MINK1: variants seen among roughly 807,000 people sequenced by gnomAD.
The protein encoded by MINK1 is misshapen like kinase 1.
Under a neutral mutation model 178.4 loss-of-function variants are expected in MINK1, and 46 were observed. That is an observed-to-expected ratio of 0.26 (90% CI 0.20 to 0.33). The LOEUF is 0.33. MINK1 is among the 10% of genes least tolerant of loss of function. The pLI, the probability that MINK1 is intolerant of heterozygous loss-of-function variation, is 1.00. For missense variants in MINK1, 1,366 were observed against 1,814.9 expected (o/e 0.75, Z 4.49); for synonymous variants, 797 against 709.7 (o/e 1.12, Z -1.96).
chr17:4,835,834 T>A (rs1188451754), intron 1 of MINK1, among the ~76,000 whole-genome samples: 1 of 152,156 alleles, frequency 6.6e-6, no homozygotes, highest in Non-Finnish European at 1.5e-5. Flanking sequence ...TGAAGCAATG[T>A]TAGCCTTCCT....
rs941403143 is a variant in MINK1 at position 4,894,495 on chromosome 17, G to A, written c.2809-30G>A. On this transcript the variant is annotated intron_variant, in intron 23 of 31. Transcript: ENST00000355280. The surrounding 1 kb of genome is among the most constrained non-coding windows in gnomAD (Gnocchi z 4.1). The stretch of plus-strand genomic sequence containing the variant: ...CAGGGCCGCAGCTGGACTTGCACTT[G>A]TTTGCCTGACTGCTGTCCCCCTACC... 5 of 1,561,836 alleles carry A rather than the reference G, an allele frequency of 3.2e-6. No individual in the cohort carries two copies. The highest frequency in any genetic ancestry group is 4.3e-6 in the Non-Finnish European group (5 of 1,150,256).
chr17:4,886,661 G>A lies in MINK1; in HGVS notation c.949+35G>A, dbSNP rs1183124745. The A allele has an allele frequency of 6.5e-7, 1 of 1,532,508 alleles. No homozygotes were observed. Among genetic ancestry groups the A allele is most frequent in the Non-Finnish European group, 8.8e-7 (1 of 1,140,300 alleles). 94.9% of individuals were successfully genotyped at this position (1,532,508 alleles called of 1,614,324 possible). On this transcript the variant is annotated intron_variant, in intron 10 of 31. Transcript: ENST00000355280. The surrounding 1 kb of genome is among the most constrained non-coding windows in gnomAD (Gnocchi z 6.1). Reference sequence around the variant, plus strand: ...CAGGCTGGAGGGGGCAGGTACTAGGGGACACTCCAGCCTGGCTCCTCTCTG... The same window carrying A: ...CAGGCTGGAGGGGGCAGGTACTAGGAGACACTCCAGCCTGGCTCCTCTCTG...
chr17:4,891,836 G>A, intron 16 of MINK1, 120 bp downstream of exon 16: 1 of 1,375,842 alleles, frequency 7.3e-7, no homozygotes, highest in African/African-American at 1.5e-5. Context: ...AGAAAGCCAG[G>A]GCGCTGCCCT....
chr17:4,886,685 T>G lies in MINK1; in HGVS notation c.949+59T>G, dbSNP rs1000989879. ...GGGACACTCCAGCCTGGCTCCTCTC[T>G]GCCAGCCCTGCTCGCTCCTGGCACC... On this transcript the variant is annotated intron_variant, in intron 10 of 31. Coordinates refer to ENST00000355280, the MANE Select transcript of MINK1 (RefSeq NM_153827.5). The surrounding 1 kb of genome is among the most constrained non-coding windows in gnomAD (Gnocchi z 6.1). 3 of 1,470,268 alleles carry G rather than the reference T, an allele frequency of 2.0e-6. No homozygotes were observed. Among genetic ancestry groups the G allele is most frequent in the African/African-American group, 1.4e-5 (1 of 70,584 alleles). 91.1% of individuals were successfully genotyped at this position (1,470,268 alleles called of 1,614,324 possible).
Position 4,894,336 on chromosome 17 carries a change from C to T in MINK1, c.2808+25C>T. The T allele has an allele frequency of 1.2e-6, 2 of 1,605,498 alleles. No individual in the cohort carries two copies. Among genetic ancestry groups the T allele is most frequent in the Non-Finnish European group, 8.5e-7 (1 of 1,177,032 alleles). On this transcript the variant is annotated intron_variant, in intron 23 of 31. Coordinates refer to ENST00000355280, the MANE Select transcript of MINK1 (RefSeq NM_153827.5). The surrounding 1 kb of genome is among the most constrained non-coding windows in gnomAD (Gnocchi z 4.1). ...CGTAAGTGGGCCGGAGGCAGGTCCG[C>T]CGGGAGAGAAGAGCCCTGGCGATGG...
Position 4,897,287 on chromosome 17 carries a change from A to C in MINK1, c.3999A>C (p.Ter1333CysextTer37). ...ACCGTAACTGCATCATGAACTGGTG[A>C]CGGGGCCCTGGGCTGGGGCTGTCCC... is the stretch of plus-strand genomic sequence containing the variant. ...TLNRNCIMNW* is the reference protein window; with the variant it reads ...TLNRNCIMNWC The change falls in exon 32 of 32, where the codon TGA becomes TGC. Residue 1333 changes from the stop codon to cysteine (C), a stop_lost. Transcript: ENST00000355280. 1.2e-6 allele frequency: 2 copies of C among 1,613,546 alleles called. No individual in the cohort carries two copies. The highest frequency in any genetic ancestry group is 1.7e-6 in the Non-Finnish European group (2 of 1,179,642).
intron 13 of MINK1, 177 bp downstream of exon 13, chr17:4,889,940 C>G (rs1020378329): frequency 3.2e-5 from 19 of 602,300 alleles, no homozygotes; most frequent in Non-Finnish European, 5.6e-5. Flanking sequence ...TGACCCCCTC[C>G]CTCTTCCTTC....
chr17:4,860,473 C>G (rs1206842770), intron 1 of MINK1, among the ~76,000 whole-genome samples: 2 of 149,492 alleles, frequency 1.3e-5, no homozygotes, highest in Non-Finnish European at 3.0e-5. Context: ...CTTGCATTTT[C>G]TCTTGGGAAA....
At chr17:4,881,452 G>A (rs1169235423) in intron 4 of MINK1, among the ~76,000 whole-genome samples, 195 bp downstream of exon 4, 2 of 152,160 alleles carry the variant, frequency 1.3e-5, no homozygotes, top group Non-Finnish European at 2.9e-5. Context: ...CCCATGAACT[G>A]CAGCATCTCA....
In MINK1 at chr17:4,878,255, C is replaced by A. The variant is rs187039501; in HGVS notation, c.58-62C>A. On this transcript the variant is annotated intron_variant, in intron 1 of 31. Transcript: ENST00000355280. ...CTTGACTGGATACCACTTTACCCCC[C>A]TCTAGCTCTGTAATCCTTTTCTAAA... 26 of 1,460,850 alleles carry A rather than the reference C, an allele frequency of 1.8e-5. No individual in the cohort carries two copies. In the South Asian group the frequency reaches 2.1e-4, roughly 12 times the overall value. 90.5% of individuals were successfully genotyped at this position (1,460,850 alleles called of 1,614,324 possible). A position where few individuals can be genotyped will look rare whatever the true frequency, so the allele number is the denominator to read the frequency against.
At chr17:4,883,186 G>A (rs1175626021) in intron 4 of MINK1, 1 of 150,306 alleles carries the variant, frequency 6.7e-6, no homozygotes, top group African/African-American at 2.4e-5. Context: ...CCTTGGGCCA[G>A]CCCTGATCCA....
intron 4 of MINK1, among the ~76,000 whole-genome samples, chr17:4,882,085 AG>A (rs770634991): frequency 7.2e-5 from 11 of 152,354 alleles, no homozygotes; most frequent in Non-Finnish European, 1.6e-4. Flanking sequence ...ACACAAAGAA[AG>A]GGAGAAAGGT....
rs1298675556 is a variant in MINK1, at chr17:4,889,730, G to C, written c.1314G>C (p.Arg438=). 4 of 1,548,912 alleles carry C rather than the reference G, an allele frequency of 2.6e-6. No homozygotes were observed. The highest frequency in any genetic ancestry group is 3.5e-6 in the Non-Finnish European group (4 of 1,149,718). Residue 438 remains arginine (R), a synonymous_variant, in exon 13 of 32, where the codon CGG becomes CGC. Transcript: ENST00000355280. ...TGGAGGACATGCAGGCTCTGCGGCG[G>C]GAGGAGGAGCGGCGGCAGGCGGAGC... ...RRLEDMQALR[R]EEERRQAERE...
At chr17:4,892,073 C>A in intron 16 of MINK1, 76 bp from the exon 17 acceptor site, 1 of 1,271,436 alleles carries the variant, frequency 7.9e-7, no homozygotes, top group South Asian at 1.3e-5. Context: ...GAGCTCACCT[C>A]TCAGAGGTGA....
At chr17:4,858,132 G>C (rs932701069) in intron 1 of MINK1, among the ~76,000 whole-genome samples, 1 of 152,184 alleles carries the variant, frequency 6.6e-6, no homozygotes, top group African/African-American at 2.4e-5. Context: ...TAGATTGTTG[G>C]TGTTTTGGGG....
At position 4,895,324 on chromosome 17, in the gene MINK1, G is replaced by A; in HGVS notation, c.3086-26G>A. ...TAGGTGAGGGCCTGGCTGAGCCTCTGACCTGCCCAAGGGCTCCTGTTGCAG... is the reference window on the plus strand; with the variant it reads ...TAGGTGAGGGCCTGGCTGAGCCTCTAACCTGCCCAAGGGCTCCTGTTGCAG... On this transcript the variant is annotated intron_variant, in intron 25 of 31. Transcript: ENST00000355280. The surrounding 1 kb of genome is among the most constrained non-coding windows in gnomAD (Gnocchi z 4.3). The A allele has an allele frequency of 6.2e-7, 1 of 1,604,762 alleles. No individual in the cohort carries two copies. Among genetic ancestry groups the A allele is most frequent in the Non-Finnish European group, 8.5e-7 (1 of 1,174,254 alleles).
At position 4,897,590 on chromosome 17, in the gene MINK1, A is replaced by C. The variant is rs992394274; in HGVS notation, c.*303A>C. 2 of 327,304 alleles carry C rather than the reference A, an allele frequency of 6.1e-6. No individual in the cohort carries two copies. Among genetic ancestry groups the C allele is most frequent in the African/African-American group, 2.2e-5 (1 of 45,888 alleles). The allele number at this position is 327,304 out of a possible 1,614,324, so 20.3% of individuals were successfully genotyped here. ...CCCCCTTTTCTCCATTTGAGAGGAGAGTGCTTGGGGCTTGAACCCCTTACC... is the reference window on the plus strand; with the variant it reads ...CCCCCTTTTCTCCATTTGAGAGGAGCGTGCTTGGGGCTTGAACCCCTTACC... On this transcript the variant is annotated 3_prime_UTR_variant, in exon 32 of 32. Transcript: ENST00000355280.
chr17:4,895,277 G>A lies in MINK1; in HGVS notation c.3085+35G>A. 3 of 1,612,130 alleles carry A rather than the reference G, an allele frequency of 1.9e-6. No homozygotes were observed. The highest frequency in any genetic ancestry group is 2.5e-6 in the Non-Finnish European group (3 of 1,178,480). ...GGCAGGGACAGCTGAGGAGGCTCTG[G>A]CGTGGCTCTTGTGCTCCTGGTTAGG... On this transcript the variant is annotated intron_variant, in intron 25 of 31. Coordinates refer to ENST00000355280, the MANE Select transcript of MINK1 (RefSeq NM_153827.5). This position sits in a 1 kb window ranked among gnomAD's most constrained non-coding sequence, Gnocchi z 4.3.
chr17:4,893,377 G>T, intron 20 of MINK1, 57 bp from the exon 21 acceptor site: 1 of 1,608,276 alleles, frequency 6.2e-7, no homozygotes, highest in Non-Finnish European at 8.5e-7. Context: ...GGCACCCTTT[G>T]TCTACCTCCA....
Sources: allele counts gnomAD v4.1 joint callset (sites outside exome capture counted in the v4.1 genomes callset), GRCh38; gene constraint gnomAD v4.1.1; non-coding constraint Gnocchi (gnomAD v3.1); transcripts MANE v1.5; gene names NCBI Gene and HGNC (gene_info 2026-07-23, HGNC 2026-07-21).